RIMS1: variants seen among roughly 807,000 people sequenced by gnomAD.
RIMS1 encodes the protein regulating synaptic membrane exocytosis 1.
RIMS1 carries 83 observed loss-of-function variants against 214.1 expected under a neutral mutation model. That is an observed-to-expected ratio of 0.39 (90% CI 0.32 to 0.47). The LOEUF (loss-of-function observed/expected upper bound fraction) is 0.47, where lower values mean the gene tolerates loss of function less well. Among genes scored for constraint, RIMS1 ranks in the 20% least tolerant of loss-of-function variants. RIMS1 has a pLI of 0.99. For missense variants in RIMS1, 2,050 were observed against 2,161.8 expected (o/e 0.95, Z 1.03); for synonymous variants, 793 against 786.8 (o/e 1.01, Z -0.13).
chr6:72,307,320 A>C lies in RIMS1; in HGVS notation c.3913A>C (p.Thr1305Pro). ...MKMKVHRFKQTTGSGSSQELD... is the reference protein window; with the variant it reads ...MKMKVHRFKQPTGSGSSQELD... The stretch of plus-strand genomic sequence containing the variant: ...AATGAAAGTGCATCGATTTAAGCAG[A>C]CAACAGGGTCTGGTTCTAGTCAAGA... Residue 1305 changes from threonine (T) to proline (P), a missense_variant, in exon 27 of 34, where the codon ACA becomes CCA. Thr to Pro is a conservative substitution (Grantham distance 38). Transcript: ENST00000521978. 6.2e-7 allele frequency: 1 copy of C among 1,606,534 alleles called. No homozygotes were observed. Among genetic ancestry groups the C allele is most frequent in the East Asian group, 2.2e-5 (1 of 44,720 alleles).
intron 4 of RIMS1, among the ~76,000 whole-genome samples, chr6:72,123,102 G>C (rs1157644003): frequency 6.6e-6 from 1 of 151,164 alleles, no homozygotes; most frequent in South Asian, 2.1e-4. Flanking sequence ...TTCTCTTGTG[G>C]GCATTTAGTG....
chr6:71,911,321 T>G (rs2150594450), intron 1 of RIMS1, among the ~76,000 whole-genome samples: 1 of 152,290 alleles, frequency 6.6e-6, no homozygotes, highest in South Asian at 2.1e-4. Flanking sequence ...GTTGGCCCCT[T>G]GGGTAGAAGA....
rs758230907 is a variant in RIMS1 at position 72,258,197 on chromosome 6, A to G, written c.2843A>G (p.His948Arg). Residue 948 changes from histidine (H) to arginine (R), a missense_variant, in exon 17 of 34, where the codon CAT becomes CGT. Transcript: ENST00000521978. ...GTGCCAGAACAGCAAAGAACAACTC[A>G]TCACCGCTCACGTTCAGTATCTCCT... ...LTVPEQQRTT[H>R]HRSRSVSPHR... The G allele has an allele frequency of 9.3e-6, 15 of 1,612,942 alleles. No homozygotes were observed. The South Asian group carries it at 1.6e-4, about 18-fold the overall frequency.
intron 28 of RIMS1, among the ~76,000 whole-genome samples, chr6:72,320,939 CA>C (rs1227636098): frequency 6.6e-6 from 1 of 151,808 alleles, no homozygotes; most frequent in Non-Finnish European, 1.5e-5. Context: ...TTTAGAAAGT[CA>C]TCATTTAAAG....
At chr6:72,346,828 G>A (rs1005086991) in intron 29 of RIMS1, among the ~76,000 whole-genome samples, 1 of 151,816 alleles carries the variant, frequency 6.6e-6, no homozygotes, top group East Asian at 1.9e-4. Context: ...TCATTTACAT[G>A]TTGTCTATGG....
At chr6:72,062,361 C>T (rs1562231216) in intron 2 of RIMS1, among the ~76,000 whole-genome samples, 1 of 151,998 alleles carries the variant, frequency 6.6e-6, no homozygotes, top group Non-Finnish European at 1.5e-5. Flanking sequence ...CACTTTCTCC[C>T]TTCTTGCCTC....
chr6:72,193,534 A>G (rs577099999), intron 6 of RIMS1, among the ~76,000 whole-genome samples: 3 of 152,336 alleles, frequency 2.0e-5, no homozygotes, highest in East Asian at 1.9e-4. Flanking sequence ...TAGAAATGCC[A>G]TCTGTAATAG....
At chr6:72,339,704 T>C (rs1240309403) in intron 29 of RIMS1, among the ~76,000 whole-genome samples, 3 of 152,072 alleles carry the variant, frequency 2.0e-5, no homozygotes, top group African/African-American at 7.2e-5. Flanking sequence ...TTTGGGTTGG[T>C]TCCAAGTCTT....
chr6:72,097,827 G>A lies in RIMS1; in HGVS notation c.459+665G>A, dbSNP rs9442734. ...TTTAAATAAATGCAATTTTTGAAGCGTTAAGATGCTAATATGATAGGAACC... is the reference window on the plus strand; with the variant it reads ...TTTAAATAAATGCAATTTTTGAAGCATTAAGATGCTAATATGATAGGAACC... On this transcript the variant is annotated intron_variant, in intron 3 of 33. Transcript: ENST00000521978. Among the ~76,000 whole-genome samples the A allele has an allele frequency of 1.5e-3, 232 of 152,140 alleles. 1 individual carries two copies. The highest frequency in any genetic ancestry group is 5.3e-3 in the African/African-American group (219 of 41,526).
At chr6:71,946,204 G>T (rs760768328) in intron 1 of RIMS1, among the ~76,000 whole-genome samples, 2 of 152,146 alleles carry the variant, frequency 1.3e-5, no homozygotes, top group Non-Finnish European at 1.5e-5. Flanking sequence ...GTGTTCATGG[G>T]TTGGAATGAT....
chr6:71,894,051 AAC>A lies in RIMS1; in HGVS notation c.164+6866_164+6867del, dbSNP rs574074032. On this transcript the variant is annotated intron_variant, in intron 1 of 33. Coordinates refer to ENST00000521978, the MANE Select transcript of RIMS1 (RefSeq NM_014989.7). ...TATAACTTCAGAAAATCAAGCAATT[AAC>A]AGTGTTAAAATATATCTCAACAATA... Among the ~76,000 whole-genome samples, 16 of 152,366 alleles carry A rather than the reference AAC, an allele frequency of 1.1e-4. No individual in the cohort carries two copies. The South Asian group carries it at 2.5e-3, about 24-fold the overall frequency.
chr6:71,919,714 G>A (rs1336797917), intron 1 of RIMS1, among the ~76,000 whole-genome samples: 1 of 152,138 alleles, frequency 6.6e-6, no homozygotes, highest in East Asian at 1.9e-4. Flanking sequence ...GTAGATACGG[G>A]GCGGTGAGAG....
At chr6:72,030,790 A>T (rs1197051186) in intron 2 of RIMS1, among the ~76,000 whole-genome samples, 1 of 152,166 alleles carries the variant, frequency 6.6e-6, no homozygotes, top group Non-Finnish European at 1.5e-5. Context: ...CATTACTTTC[A>T]ATTGCTAACT....
chr6:72,094,159 A>G (rs2030319984), intron 2 of RIMS1, among the ~76,000 whole-genome samples: 1 of 140,416 alleles, frequency 7.1e-6, no homozygotes, highest in African/African-American at 2.5e-5. Flanking sequence ...ACCTATATGT[A>G]TAAATTTTCC....
chr6:72,169,632 G>A (rs942502122), intron 4 of RIMS1, among the ~76,000 whole-genome samples: 14 of 152,254 alleles, frequency 9.2e-5, no homozygotes, highest in South Asian at 4.2e-4. Context: ...ATCTGGACAC[G>A]GTGGCACATG....
Position 72,342,130 on chromosome 6 carries a change from A to G in RIMS1, c.4366+8295A>G, listed in dbSNP as rs138261481. 4.0e-3 allele frequency among the ~76,000 whole-genome samples: 612 copies of G among 151,882 alleles called. 4 individuals are homozygous for G. The highest frequency in any genetic ancestry group is 0.014 in the African/African-American group (568 of 41,494). Reference sequence around the variant, plus strand: ...ACCCTGTTTAAGACCCTCTAACTCTATATGTTGTCCCCAATTATTTGAACA... The same window carrying G: ...ACCCTGTTTAAGACCCTCTAACTCTGTATGTTGTCCCCAATTATTTGAACA... On this transcript the variant is annotated intron_variant, in intron 29 of 33. Transcript: ENST00000521978.
At chr6:72,097,255 A>G (rs996349178) in intron 3 of RIMS1, 93 bp downstream of exon 3, 2 of 1,091,746 alleles carry the variant, frequency 1.8e-6, no homozygotes, top group Admixed American at 3.8e-5. Context: ...TAGAAAGCAG[A>G]CATGTGCATA....
chr6:72,023,643 T>G (rs1168084770), intron 2 of RIMS1, among the ~76,000 whole-genome samples: 1 of 152,080 alleles, frequency 6.6e-6, no homozygotes, highest in Non-Finnish European at 1.5e-5. Context: ...TTTTTTTTCA[T>G]TCCCATGCTA....
intron 6 of RIMS1, among the ~76,000 whole-genome samples, chr6:72,201,358 G>T (rs1010458142): frequency 1.3e-5 from 2 of 152,198 alleles, no homozygotes; most frequent in African/African-American, 4.8e-5. Context: ...TTTAGAAAAA[G>T]ATTTGATATT....
Sources: gnomAD v4.1 joint callset for allele counts (sites outside exome capture counted in the v4.1 genomes callset) on GRCh38, gnomAD v4.1.1 for gene constraint, MANE v1.5 for transcripts, NCBI Gene and HGNC (gene_info 2026-07-23, HGNC 2026-07-21) for gene names.